The following TMEM132D variants were observed in gnomAD, a reference collection of about 807,000 sequenced individuals.
The protein encoded by TMEM132D is transmembrane protein 132D, also known as mature OL transmembrane protein.
Under a neutral mutation model 62.3 loss-of-function variants are expected in TMEM132D, and 21 were observed. That is an observed-to-expected ratio of 0.34 (90% CI 0.24 to 0.49). The LOEUF (loss-of-function observed/expected upper bound fraction) is 0.49, where lower values mean the gene tolerates loss of function less well. Ranked by LOEUF, TMEM132D falls within the 20% of genes least tolerant of loss-of-function variation. The pLI is 0.99. For missense variants in TMEM132D, 1,346 were observed against 1,402.8 expected (o/e 0.96, Z 0.65); for synonymous variants, 621 against 575.6 (o/e 1.08, Z -1.13).
chr12:129,875,960 T>G (rs1014220704), intron 1 of TMEM132D, among the ~76,000 whole-genome samples: 5 of 152,170 alleles, frequency 3.3e-5, no homozygotes, highest in African/African-American at 1.2e-4. Context: ...AACATGGTAG[T>G]GTCCATCCAT....
At chr12:129,157,594 C>A (rs565719637) in intron 5 of TMEM132D, among the ~76,000 whole-genome samples, 1 of 152,306 alleles carries the variant, frequency 6.6e-6, no homozygotes, top group African/African-American at 2.4e-5. Flanking sequence ...GCAACAGACA[C>A]TGCAAACTTT....
chr12:129,622,530 T>G (rs1213375470), intron 2 of TMEM132D, among the ~76,000 whole-genome samples: 3 of 152,160 alleles, frequency 2.0e-5, no homozygotes, highest in Non-Finnish European at 4.4e-5. Flanking sequence ...CTTCTCTACA[T>G]ATAGAAAAGT....
chr12:129,183,344 G>A (rs1341208912), intron 5 of TMEM132D, among the ~76,000 whole-genome samples: 3 of 152,216 alleles, frequency 2.0e-5, no homozygotes, highest in Non-Finnish European at 4.4e-5. Flanking sequence ...CCTAAAACAA[G>A]AGCCTGCTCA....
rs149110436 is a variant in TMEM132D at position 129,700,433 on chromosome 12, G to T, written c.345C>A (p.Asn115Lys). ...VVPQDLMLPS[N>K]PFGFTNKFSL... Reference sequence around the variant, plus strand: ...AAAATTTGTTGGTGAATCCAAATGGGTTGGAAGGTAGCATTAAATCCTGGG... The same window carrying T: ...AAAATTTGTTGGTGAATCCAAATGGTTTGGAAGGTAGCATTAAATCCTGGG... Residue 115 changes from asparagine (N) to lysine (K), a missense_variant, in exon 2 of 9, where the codon AAC becomes AAA. By Grantham distance (94) the Asn-to-Lys change is moderately conservative. Transcript: ENST00000422113. 1.9e-6 allele frequency: 3 copies of T among 1,614,044 alleles called. No homozygotes were observed. The African/African-American group carries it at 4.0e-5, about 22-fold the overall frequency.
At chr12:129,866,709 C>G (rs374822167) in intron 1 of TMEM132D, among the ~76,000 whole-genome samples, 1 of 151,970 alleles carries the variant, frequency 6.6e-6, no homozygotes, top group Non-Finnish European at 1.5e-5. Flanking sequence ...GCAAACAGTA[C>G]GTAGGCTCTT....
At chr12:129,447,557 T>C (rs1873136537) in intron 3 of TMEM132D, among the ~76,000 whole-genome samples, 1 of 152,152 alleles carries the variant, frequency 6.6e-6, no homozygotes, top group African/African-American at 2.4e-5. Flanking sequence ...TTTAAAGACA[T>C]CTTGTATGGA....
intron 5 of TMEM132D, among the ~76,000 whole-genome samples, chr12:129,191,923 A>G (rs755103470): frequency 3.3e-4 from 50 of 152,228 alleles, no homozygotes; most frequent in Non-Finnish European, 6.0e-4. Flanking sequence ...CACTTGTTAA[A>G]TTATTTATGT....
At chr12:129,545,159 A>G (rs1876697535) in intron 2 of TMEM132D, among the ~76,000 whole-genome samples, 2 of 152,198 alleles carry the variant, frequency 1.3e-5, no homozygotes, top group South Asian at 4.1e-4. Flanking sequence ...CCTCCTTCCC[A>G]GCTTCCTCAT....
rs71082753 is a variant in TMEM132D, at chr12:129,760,323, C to CTTTTTTTTTTTTTTTTT, written c.80-59642_80-59626dup. On this transcript the variant is annotated intron_variant, in intron 1 of 8. Transcript: ENST00000422113. ...AGACAGAAATGATGTAAGCCACTTTCTTTTTTTTTTTTTTTTTTTTTTTTT... is the reference window on the plus strand; with the variant it reads ...AGACAGAAATGATGTAAGCCACTTTCTTTTTTTTTTTTTTTTTTTTTTTTTTTTTTTTTTTTTTTTTT... Among the ~76,000 whole-genome samples, 35 of 115,502 alleles carry CTTTTTTTTTTTTTTTTT rather than the reference C, an allele frequency of 3.0e-4. 1 individual carries two copies. The highest frequency in any genetic ancestry group is 1.1e-3 in the African/African-American group (31 of 27,668). 75.8% of individuals were successfully genotyped at this position (115,502 alleles called of 152,430 possible).
At chr12:129,730,391 G>A (rs1869190614) in intron 1 of TMEM132D, among the ~76,000 whole-genome samples, 1 of 152,172 alleles carries the variant, frequency 6.6e-6, no homozygotes, top group African/African-American at 2.4e-5. Context: ...CCAGGGGTAT[G>A]CTCCCTGAGG....
intron 1 of TMEM132D, among the ~76,000 whole-genome samples, chr12:129,826,807 C>G (rs263297): frequency 0.33 from 50,284 of 151,960 alleles, 9,163 homozygotes; most frequent in East Asian, 0.62. Flanking sequence ...GGGTGAAATG[C>G]AGGTGTGGGG....
chr12:129,246,697 C>T (rs1356524887), intron 4 of TMEM132D, among the ~76,000 whole-genome samples: 1 of 151,400 alleles, frequency 6.6e-6, no homozygotes, highest in Non-Finnish European at 1.5e-5. Context: ...ACTTGGGAGG[C>T]AGAGATTGCA....
rs1873101042 is a variant in TMEM132D, at chr12:129,839,133, T to TTTTTTTTTTTC, written c.79+64127_79+64128insGAAAAAAAAAA. Among the ~76,000 whole-genome samples the TTTTTTTTTTTC allele has an allele frequency of 1.7e-5, 2 of 115,480 alleles. 1 individual carries two copies. The allele number at this position is 115,480 out of a possible 152,430, so 75.8% of individuals were successfully genotyped here. ...GCCTGGCTAATTTTTTTTTTTTTTT[T>TTTTTTTTTTTC]TTTTTTTTTTTTTTTTGAGATGGAA... On this transcript the variant is annotated intron_variant, in intron 1 of 8. Transcript: ENST00000422113.
chr12:129,846,525 T>C (rs995056909), intron 1 of TMEM132D, among the ~76,000 whole-genome samples: 1 of 152,216 alleles, frequency 6.6e-6, no homozygotes, highest in African/African-American at 2.4e-5. Flanking sequence ...TGCTTTCTTT[T>C]ACGTTAATTG....
At chr12:129,625,363 T>C (rs1312836450) in intron 2 of TMEM132D, among the ~76,000 whole-genome samples, 1 of 152,220 alleles carries the variant, frequency 6.6e-6, no homozygotes, top group Non-Finnish European at 1.5e-5. Context: ...CATTATTCTT[T>C]TAATCTGTTT....
intron 1 of TMEM132D, among the ~76,000 whole-genome samples, chr12:129,850,599 AG>A (rs1873508020): frequency 6.6e-6 from 1 of 152,178 alleles, no homozygotes; most frequent in African/African-American, 2.4e-5. Flanking sequence ...GCAGGGGTCT[AG>A]GTATGGACAG....
At chr12:129,791,656 AC>A (rs1239949466) in intron 1 of TMEM132D, among the ~76,000 whole-genome samples, 2 of 151,756 alleles carry the variant, frequency 1.3e-5, no homozygotes, top group East Asian at 1.9e-4. Flanking sequence ...CACTGAATTA[AC>A]CCCCCCAGTC....
chr12:129,102,528 AAC>A (rs372316402), intron 5 of TMEM132D, among the ~76,000 whole-genome samples: 19 of 149,384 alleles, frequency 1.3e-4, no homozygotes, highest in Admixed American at 2.0e-4. Flanking sequence ...GCACACACAC[AAC>A]ACACACACAC....
intron 2 of TMEM132D, among the ~76,000 whole-genome samples, chr12:129,574,898 A>G (rs779704237): frequency 4.6e-5 from 7 of 151,870 alleles, no homozygotes; most frequent in Non-Finnish European, 1.0e-4. Flanking sequence ...GAAGTTCAGA[A>G]GCAGCCGGAT....
Sources: allele counts gnomAD v4.1 joint callset (sites outside exome capture counted in the v4.1 genomes callset), GRCh38; gene constraint gnomAD v4.1.1; transcripts MANE v1.5; gene names NCBI Gene and HGNC (gene_info 2026-07-23, HGNC 2026-07-21).